Variants in MXRA8 observed in about 807,000 individuals in gnomAD.
MXRA8 encodes matrix remodeling-associated protein 8.
In MXRA8, 44 loss-of-function variants were observed where a neutral mutation model predicts 51.4. The observed-to-expected ratio is 0.86, with a 90% CI of 0.67 to 1.10. The LOEUF (loss-of-function observed/expected upper bound fraction) is 1.10. Among genes scored for constraint, MXRA8 ranks in the 50% least tolerant of loss-of-function variants. MXRA8 has a pLI of 0.00. For missense variants in MXRA8, 765 were observed against 638.9 expected (o/e 1.20, Z -2.13); for synonymous variants, 369 against 293.5 (o/e 1.26, Z -2.63).
intron 2 of MXRA8, among the ~76,000 whole-genome samples, chr1:1,356,159 G>GCCCCTT (rs1644125412): frequency 1.1e-5 from 1 of 92,580 alleles, no homozygotes; most frequent in Non-Finnish European, 2.2e-5. Context: ...GGAGGGGCAT[G>GCCCCTT]CCCCCTAGGG....
In MXRA8 at chr1:1,353,600, C is replaced by A; in HGVS notation, c.*4G>T. 1 of 1,561,342 alleles carries A rather than the reference C, an allele frequency of 6.4e-7. No homozygotes were observed. The highest frequency in any genetic ancestry group is 2.3e-5 in the East Asian group (1 of 42,720). ...GCTGGCCCAGCCAGGAGCCCAGGGC[C>A]TCCCTATTTGCAGTTCTCCTTCCGG... is the stretch of plus-strand genomic sequence containing the variant. On this transcript the variant is annotated 3_prime_UTR_variant, in exon 10 of 10. Coordinates refer to ENST00000309212, the MANE Select transcript of MXRA8 (RefSeq NM_032348.4).
rs1388664203 is a variant in MXRA8 at position 1,355,560 on chromosome 1, A to T, written c.266T>A (p.Leu89Gln). The change falls in exon 3 of 10, where the codon CTG (leucine) becomes CAG (glutamine). Residue 89 changes from leucine to glutamine, a missense_variant. Transcript: ENST00000309212. ...GPGGGPARRL[L>Q]DLYSAGEQRV... ...CTGCTCGCCCGCCGAGTACAAGTCCAGCAGGCGCCGCGCGGGGCCACCCCC... is the reference window on the plus strand; with the variant it reads ...CTGCTCGCCCGCCGAGTACAAGTCCTGCAGGCGCCGCGCGGGGCCACCCCC... 1.3e-6 allele frequency: 2 copies of T among 1,483,828 alleles called. No individual in the cohort carries two copies. Among genetic ancestry groups the T allele is most frequent in the African/African-American group, 2.9e-5 (2 of 68,392 alleles). 91.9% of individuals were successfully genotyped at this position (1,483,828 alleles called of 1,614,324 possible). A position where few individuals can be genotyped will look rare whatever the true frequency, so the allele number is the denominator to read the frequency against.
Position 1,355,231 on chromosome 1 carries a change from G to A in MXRA8, c.478+13C>T, listed in dbSNP as rs762611101. On this transcript the variant is annotated intron_variant, in intron 4 of 9. Coordinates refer to ENST00000309212, the MANE Select transcript of MXRA8 (RefSeq NM_032348.4). ...GAGGGGCGGGAGCTGGGGGGCGGGG[G>A]GGAAGCACTCACGGCCGTCGGTGAC... is the stretch of plus-strand genomic sequence containing the variant. The A allele has an allele frequency of 1.3e-6, 2 of 1,543,022 alleles. No homozygotes were observed. The highest frequency in any genetic ancestry group is 1.7e-6 in the Non-Finnish European group (2 of 1,151,396).
upstream of MXRA8, among the ~76,000 whole-genome samples, chr1:1,360,207 C>A (rs933028553): frequency 2.6e-5 from 4 of 152,234 alleles, no homozygotes; most frequent in African/African-American, 9.6e-5. Context: ...TCCAGCCACA[C>A]TTTCGGGGAC....
chr1:1,361,147 G>C, upstream of MXRA8: 8 of 696,758 alleles, frequency 1.1e-5, no homozygotes, highest in South Asian at 8.9e-5. Context: ...ACACAGAGAA[G>C]ATACACGGAA....
upstream of MXRA8, chr1:1,358,715 A>G: frequency 7.2e-7 from 1 of 1,383,294 alleles, no homozygotes; most frequent in Non-Finnish European, 9.3e-7. Context: ...GTGTGGGAGC[A>G]GAGGCCCAGC....
chr1:1,361,026 A>C (rs944710470), upstream of MXRA8, among the ~76,000 whole-genome samples: 9 of 151,782 alleles, frequency 5.9e-5, no homozygotes, highest in African/African-American at 1.7e-4. Context: ...ACACATACAC[A>C]TGCATGCACA....
At chr1:1,356,609 G>A in intron 2 of MXRA8, 72 bp downstream of exon 2, 1 of 1,168,060 alleles carries the variant, frequency 8.6e-7, no homozygotes, top group Non-Finnish European at 1.1e-6. Flanking sequence ...AGGACCCCCG[G>A]GGGCTGGGCC....
rs1406045666 is a variant in MXRA8 at position 1,355,036 on chromosome 1, C to A, written c.595G>T (p.Glu199Ter). 1.9e-6 allele frequency: 3 copies of A among 1,608,114 alleles called. No individual in the cohort carries two copies. The highest frequency in any genetic ancestry group is 2.5e-6 in the Non-Finnish European group (3 of 1,178,400). The change falls in exon 5 of 10, where the codon GAG becomes TAG. Residue 199 changes from glutamate to a stop codon, truncating the protein, a stop_gained. Transcript: ENST00000309212. LOFTEE classifies it high-confidence loss of function. ...RGHVWTDRHVEEAQQVVHWDR... is the reference protein window; with the variant it reads ...RGHVWTDRHV ...CAGTGCACCACCTGTTGAGCCTCCT[C>A]CACGTGCCGGTCGGTCCACACGTGC...
Position 1,355,285 on chromosome 1 carries a change from A to G in MXRA8, c.437T>C (p.Leu146Pro). Residue 146 changes from leucine to proline, a missense_variant, in exon 4 of 10, where the codon CTC becomes CCC. Transcript: ENST00000309212. ...TCNLHHHYCH[L>P]YESLAVRLEV... ...CAGGCGGACGGCCAGGCTCTCGTAG[A>G]GGTGGCAGTAGTGATGGTGCAGGTT... is the stretch of plus-strand genomic sequence containing the variant. 6.3e-7 allele frequency: 1 copy of G among 1,577,246 alleles called. No individual in the cohort carries two copies. The highest frequency in any genetic ancestry group is 8.6e-7 in the Non-Finnish European group (1 of 1,165,488).
rs1242631761 is a variant in MXRA8, at chr1:1,355,676, C to A, written c.150G>T (p.Ala50=). 5.9e-6 allele frequency: 8 copies of A among 1,358,128 alleles called. No homozygotes were observed. In the Admixed American group the frequency reaches 2.3e-4, roughly 39 times the overall value. The allele number at this position is 1,358,128 out of a possible 1,614,324, so 84.1% of individuals were successfully genotyped here. ...SAVSWEAGAR[A]VLRCQSPRMV... is the part of the protein sequence containing the mutation. Reference sequence around the variant, plus strand: ...TGCGCGGGCTCTGGCAGCGCAGCACCGCCCGGGCGCCCGCCTCCCAGCTCA... The same window carrying A: ...TGCGCGGGCTCTGGCAGCGCAGCACAGCCCGGGCGCCCGCCTCCCAGCTCA... Residue 50 remains alanine (A), a synonymous_variant, in exon 3 of 10, where the codon GCG becomes GCT. Transcript: ENST00000309212.
rs867755974 is a variant in MXRA8 at position 1,353,636 on chromosome 1, G to A, written c.1304-7C>T. 6.4e-7 allele frequency: 1 copy of A among 1,563,998 alleles called. No individual in the cohort carries two copies. The highest frequency in any genetic ancestry group is 8.7e-7 in the Non-Finnish European group (1 of 1,153,324). ...CAGTTCTCCTTCCGGAACCCTGGAA[G>A]CCAAGGGCGCCAACGGGTTGGCGGC... On this transcript the variant is annotated splice_polypyrimidine_tract_variant and splice_region_variant and intron_variant, in intron 9 of 9. Transcript: ENST00000309212.
Position 1,355,688 on chromosome 1 carries a change from C to T in MXRA8, c.138G>A (p.Ala46=), listed in dbSNP as rs563974252. The change falls in exon 3 of 10, where the codon GCG becomes GCA. Residue 46 remains alanine, a synonymous_variant. Coordinates refer to ENST00000309212, the MANE Select transcript of MXRA8 (RefSeq NM_032348.4). ...GGCAGCGCAGCACCGCCCGGGCGCC[C>T]GCCTCCCAGCTCACCGCGGACTCGG... The part of the protein sequence containing the change: ...VVSESAVSWE[A]GARAVLRCQS... 9.6e-6 allele frequency: 13 copies of T among 1,348,518 alleles called. No homozygotes were observed. Among genetic ancestry groups the T allele is most frequent in the South Asian group, 1.9e-5 (1 of 53,674 alleles). The allele number at this position is 1,348,518 out of a possible 1,614,324, so 83.5% of individuals were successfully genotyped here.
At chr1:1,359,581 C>G (rs907397704), upstream of MXRA8, 3 of 985,368 alleles carry the variant, frequency 3.0e-6, no homozygotes, top group African/African-American at 1.7e-5. Flanking sequence ...GAACCCTGCT[C>G]TGGTGCCCAA....
upstream of MXRA8, chr1:1,361,210 A>T: frequency 1.4e-6 from 1 of 703,350 alleles, no homozygotes; most frequent in Non-Finnish European, 2.6e-6. Flanking sequence ...ACACACAGAC[A>T]CACATGGAAA....
Position 1,355,610 on chromosome 1 carries a change from C to T in MXRA8, c.216G>A (p.Val72=), listed in dbSNP as rs1385123054. Residue 72 remains valine (V), a synonymous_variant, in exon 3 of 10, where the codon GTG becomes GTA. Transcript: ENST00000309212. ...CGGGGCCGCGCAGGTCCCAGTGGAG[C>T]ACGCGCTGGCGGTCGTGCAGCCGGT... The part of the protein sequence containing the change: ...TQDRLHDRQR[V]LHWDLRGPGG... The T allele has an allele frequency of 6.8e-6, 10 of 1,469,066 alleles. No individual in the cohort carries two copies. Among genetic ancestry groups the T allele is most frequent in the Non-Finnish European group, 9.0e-6 (10 of 1,116,640 alleles). 91.0% of individuals were successfully genotyped at this position (1,469,066 alleles called of 1,614,324 possible).
In MXRA8 at chr1:1,354,674, TCCTTCA is replaced by T; in HGVS notation, c.949+2_949+7del. The T allele has an allele frequency of 6.4e-7, 1 of 1,562,164 alleles. No individual in the cohort carries two copies. Among genetic ancestry groups the T allele is most frequent in the South Asian group, 1.2e-5 (1 of 85,820 alleles). The stretch of plus-strand genomic sequence containing the variant: ...CGCCTTCCCGGGTCCCAGGGAGGCC[TCCTTCA>T]CCTGGGCCTGGGGCGCCGCTGTGGC... On this transcript the variant is annotated splice_donor_variant and splice_donor_5th_base_variant and intron_variant, in intron 5 of 9. Coordinates refer to ENST00000309212, the MANE Select transcript of MXRA8 (RefSeq NM_032348.4). LOFTEE classifies it high-confidence loss of function.
upstream of MXRA8, chr1:1,359,269 G>C (rs1277391831): frequency 2.0e-6 from 2 of 985,294 alleles, no homozygotes; most frequent in Admixed American, 1.2e-4. Flanking sequence ...GTGCAGCCTG[G>C]TGTCCCTGAA....
chr1:1,361,104 GAC>G (rs1228046470), upstream of MXRA8: 15 of 688,194 alleles, frequency 2.2e-5, no homozygotes, highest in East Asian at 1.9e-4. Context: ...CACACATGGA[GAC>G]ACGCATGCAT....
Sources: gnomAD v4.1 joint callset for allele counts (sites outside exome capture counted in the v4.1 genomes callset) on GRCh38, gnomAD v4.1.1 for gene constraint, MANE v1.5 for transcripts, NCBI Gene and HGNC (gene_info 2026-07-23, HGNC 2026-07-21) for gene names.